The following BTF3L4 variants were observed in gnomAD, a reference collection of about 807,000 sequenced individuals.
BTF3L4 encodes the protein transcription factor BTF3 homolog 4.
Under a neutral mutation model 16.8 loss-of-function variants are expected in BTF3L4, and 6 were observed. That is an observed-to-expected ratio of 0.36 (90% CI 0.20 to 0.71). BTF3L4 has a LOEUF of 0.71. BTF3L4 is among the 30% of genes least tolerant of loss of function. The pLI is 0.58. For missense variants in BTF3L4, 92 were observed against 186.9 expected (o/e 0.49, Z 2.96); for synonymous variants, 39 against 59.8 (o/e 0.65, Z 1.60).
intron 4 of BTF3L4, among the ~76,000 whole-genome samples, chr1:52,085,013 CTTTTTT>C (rs764763479): frequency 1.7e-3 from 101 of 58,538 alleles, no homozygotes; most frequent in South Asian, 3.2e-3. Context: ...TGAAAAAAAT[CTTTTTT>C]TTTTTTTTTT....
At chr1:52,080,261 T>G (rs1428282016) in intron 3 of BTF3L4, among the ~76,000 whole-genome samples, 1 of 152,172 alleles carries the variant, frequency 6.6e-6, no homozygotes, top group East Asian at 1.9e-4. Context: ...GTTAAAGTCC[T>G]CGGTTTGCAC....
rs1200430945 is a variant in BTF3L4 at position 52,088,153 on chromosome 1, A to G, written c.*1395A>G. On this transcript the variant is annotated 3_prime_UTR_variant, in exon 6 of 6. Coordinates refer to ENST00000313334, the MANE Select transcript of BTF3L4 (RefSeq NM_152265.5). ...AAAATATATCATTTCCTGGCCCATC[A>G]TCAAACTAATACAGCTTAACCTTGC... 1 of 152,590 alleles carries G rather than the reference A, an allele frequency of 6.6e-6. No individual in the cohort carries two copies. Among genetic ancestry groups the G allele is most frequent in the Non-Finnish European group, 1.5e-5 (1 of 68,034 alleles). 9.5% of individuals were successfully genotyped at this position (152,590 alleles called of 1,614,324 possible).
At chr1:52,085,013 CTTTTTTTTTTTTTT>C (rs764763479) in intron 4 of BTF3L4, among the ~76,000 whole-genome samples, 1 of 58,514 alleles carries the variant, frequency 1.7e-5, no homozygotes, top group Non-Finnish European at 2.9e-5. Flanking sequence ...TGAAAAAAAT[CTTTTTTTTTTTTTT>C]TTTTTTTTTT....
At chr1:52,079,803 A>G (rs1402311006) in intron 3 of BTF3L4, among the ~76,000 whole-genome samples, 1 of 150,782 alleles carries the variant, frequency 6.6e-6, no homozygotes, top group East Asian at 1.9e-4. Context: ...GATTTGGCCT[A>G]TATCCTGAAA....
chr1:52,077,123 A>G (rs1686954191), intron 3 of BTF3L4, among the ~76,000 whole-genome samples: 1 of 152,140 alleles, frequency 6.6e-6, no homozygotes, highest in Non-Finnish European at 1.5e-5. Context: ...AGCTGCTATT[A>G]TCAAGCCACT....
intron 2 of BTF3L4, 56 bp from the exon 3 acceptor site, chr1:52,064,769 C>A: frequency 1.0e-6 from 1 of 967,232 alleles, no homozygotes; most frequent in Non-Finnish European, 1.6e-6. Context: ...GATGTGATTG[C>A]AGTTGCCAGA....
chr1:52,082,214 A>G (rs755675494), intron 3 of BTF3L4, among the ~76,000 whole-genome samples: 5 of 152,246 alleles, frequency 3.3e-5, no homozygotes, highest in South Asian at 2.1e-4. Flanking sequence ...AAAAATAACA[A>G]TCTTAAGTAG....
Position 52,075,930 on chromosome 1 carries a change from G to A in BTF3L4, c.169-7410G>A, listed in dbSNP as rs113699244. Among the ~76,000 whole-genome samples, 336 of 152,272 alleles carry A rather than the reference G, an allele frequency of 2.2e-3. 2 individuals are homozygous for A. The highest frequency in any genetic ancestry group is 7.4e-3 in the African/African-American group (309 of 41,560). Reference sequence around the variant, plus strand: ...TCCACCCGCCTCAGCCTCCCGAAGCGTAGGGATTACAGGAGTGAGCCACTG... The same window carrying A: ...TCCACCCGCCTCAGCCTCCCGAAGCATAGGGATTACAGGAGTGAGCCACTG... On this transcript the variant is annotated intron_variant, in intron 3 of 5. Coordinates refer to ENST00000313334, the MANE Select transcript of BTF3L4 (RefSeq NM_152265.5).
Position 52,087,579 on chromosome 1 carries a change from TC to T in BTF3L4, c.*824del, listed in dbSNP as rs1643983945. On this transcript the variant is annotated 3_prime_UTR_variant, in exon 6 of 6. Transcript: ENST00000313334. ...AATCCCTCCTTTTGTAAGATTTTGT[TC>T]CCTCAGCTTGAGGAACAACTTCATC... 2 of 152,182 alleles carry T rather than the reference TC, an allele frequency of 1.3e-5. No homozygotes were observed. The highest frequency in any genetic ancestry group is 4.8e-5 in the African/African-American group (2 of 41,448). 9.4% of individuals were successfully genotyped at this position (152,182 alleles called of 1,614,324 possible).
chr1:52,074,838 T>C (rs1277917414), intron 3 of BTF3L4, among the ~76,000 whole-genome samples: 2 of 152,140 alleles, frequency 1.3e-5, no homozygotes. Flanking sequence ...TCATTTTTAC[T>C]TTTTTAATTT....
At chr1:52,073,929 G>A (rs1432425203) in intron 3 of BTF3L4, among the ~76,000 whole-genome samples, 10 of 152,010 alleles carry the variant, frequency 6.6e-5, no homozygotes, top group East Asian at 1.9e-4. Flanking sequence ...CCCAGGAGGC[G>A]GAGGTTGCAG....
At chr1:52,078,528 ATAC>A (rs1686988994) in intron 3 of BTF3L4, among the ~76,000 whole-genome samples, 1 of 152,204 alleles carries the variant, frequency 6.6e-6, no homozygotes, top group Non-Finnish European at 1.5e-5. Flanking sequence ...AAATGCAATT[ATAC>A]TACAAGACAA....
intron 1 of BTF3L4, among the ~76,000 whole-genome samples, chr1:52,056,954 C>A (rs1441369608): frequency 1.3e-5 from 2 of 152,204 alleles, no homozygotes; most frequent in Non-Finnish European, 2.9e-5. Flanking sequence ...TTTCAACTTC[C>A]GTTCCCACAT....
intron 3 of BTF3L4, among the ~76,000 whole-genome samples, chr1:52,068,478 G>T (rs535091604): frequency 6.6e-6 from 1 of 152,284 alleles, no homozygotes; most frequent in South Asian, 2.1e-4. Context: ...GTTGGTTGTT[G>T]TTGGTTACAG....
At chr1:52,066,805 C>G (rs906839356) in intron 3 of BTF3L4, among the ~76,000 whole-genome samples, 1 of 150,296 alleles carries the variant, frequency 6.7e-6, no homozygotes, top group Admixed American at 6.6e-5. Context: ...GAGACCACGC[C>G]ACTGTACTCC....
At chr1:52,080,785 C>T (rs1187314218) in intron 3 of BTF3L4, among the ~76,000 whole-genome samples, 2 of 150,762 alleles carry the variant, frequency 1.3e-5, no homozygotes, top group Non-Finnish European at 1.5e-5. Flanking sequence ...CCACCAGCCT[C>T]GGCCTCCCAG....
intron 3 of BTF3L4, 160 bp downstream of exon 3, chr1:52,065,098 A>G: frequency 4.8e-6 from 2 of 414,232 alleles, no homozygotes; most frequent in Non-Finnish European, 8.7e-6. Flanking sequence ...AAATTAAATG[A>G]TGGTCAAAAA....
At chr1:52,076,858 CTG>C (rs1686947485) in intron 3 of BTF3L4, among the ~76,000 whole-genome samples, 1 of 152,142 alleles carries the variant, frequency 6.6e-6, no homozygotes, top group Non-Finnish European at 1.5e-5. Flanking sequence ...CTTAAGAAGT[CTG>C]TTGTTTTACC....
intron 2 of BTF3L4, among the ~76,000 whole-genome samples, chr1:52,061,111 T>C (rs1432793444): frequency 6.6e-6 from 1 of 152,188 alleles, no homozygotes; most frequent in African/African-American, 2.4e-5. Flanking sequence ...AAGTACAAGG[T>C]ACTCTTGCCT....
Sources: gnomAD v4.1 joint callset for allele counts (sites outside exome capture counted in the v4.1 genomes callset) on GRCh38, gnomAD v4.1.1 for gene constraint, MANE v1.5 for transcripts, NCBI Gene and HGNC (gene_info 2026-07-23, HGNC 2026-07-21) for gene names.